The following GRID2 variants were observed in gnomAD, a reference collection of about 807,000 sequenced individuals.
GRID2 encodes glutamate ionotropic receptor delta type subunit 2.
In GRID2, 33 loss-of-function variants were observed where a neutral mutation model predicts 114.8. The ratio of observed to expected loss-of-function variants is 0.29; its 90% CI spans 0.22 to 0.38. The LOEUF is 0.38. Ranked by LOEUF, GRID2 falls within the 10% of genes least tolerant of loss-of-function variation. The pLI, the probability that GRID2 is intolerant of heterozygous loss-of-function variation, is 1.00. For synonymous variants in GRID2, 505 were observed against 449.9 expected, an observed-to-expected ratio of 1.12 and a Z score of -1.55; for missense variants, 1,184 against 1,257.7, an observed-to-expected ratio of 0.94 and a Z score of 0.89.
chr4:92,598,578 C>T (rs545963114), intron 2 of GRID2, among the ~76,000 whole-genome samples: 3 of 152,088 alleles, frequency 2.0e-5, no homozygotes, highest in Admixed American at 6.6e-5. Flanking sequence ...TAGATACCTG[C>T]CTTTATTTTA....
chr4:93,288,585 C>G (rs1414917739), intron 8 of GRID2, among the ~76,000 whole-genome samples: 1 of 152,188 alleles, frequency 6.6e-6, no homozygotes, highest in African/African-American at 2.4e-5. Flanking sequence ...GCTAATAACT[C>G]TGAGTTTCCT....
intron 1 of GRID2, among the ~76,000 whole-genome samples, chr4:92,338,615 T>A (rs2110157873): frequency 6.6e-6 from 1 of 152,182 alleles, no homozygotes; most frequent in Non-Finnish European, 1.5e-5. Flanking sequence ...CAAAAAAGAA[T>A]TGTTCTGAAA....
intron 2 of GRID2, among the ~76,000 whole-genome samples, chr4:92,684,914 C>T (rs1377486278): frequency 6.6e-6 from 1 of 151,902 alleles, no homozygotes; most frequent in African/African-American, 2.4e-5. Context: ...TTAAGTCTTG[C>T]AGTATTTTAT....
intron 1 of GRID2, among the ~76,000 whole-genome samples, chr4:92,480,599 G>A (rs1722538321): frequency 6.6e-6 from 1 of 152,082 alleles, no homozygotes; most frequent in Admixed American, 6.6e-5. Context: ...AACTTGGCAG[G>A]GCTGTGATCC....
At chr4:92,649,233 A>T in intron 2 of GRID2, among the ~76,000 whole-genome samples, 1 of 129,800 alleles carries the variant, frequency 7.7e-6, no homozygotes, top group Non-Finnish European at 1.7e-5. Flanking sequence ...ATGGAGGTAG[A>T]GAATTCCCAC....
At chr4:93,668,593 G>A (rs564826822) in intron 14 of GRID2, among the ~76,000 whole-genome samples, 38 of 152,046 alleles carry the variant, frequency 2.5e-4, no homozygotes, top group Non-Finnish European at 5.3e-4. Context: ...GTTGTCAGGT[G>A]AGAAAGAAGT....
At chr4:92,664,616 T>C (rs1293327109) in intron 2 of GRID2, among the ~76,000 whole-genome samples, 2 of 151,160 alleles carry the variant, frequency 1.3e-5, no homozygotes, top group Non-Finnish European at 3.0e-5. Flanking sequence ...CTGGTTGTTC[T>C]CTTCATTATT....
intron 12 of GRID2, among the ~76,000 whole-genome samples, chr4:93,512,167 G>A (rs908674230): frequency 2.6e-5 from 4 of 152,030 alleles, no homozygotes; most frequent in South Asian, 4.1e-4. Context: ...GTATATTAAT[G>A]TATATATTAG....
chr4:92,474,779 C>T (rs760541324), intron 1 of GRID2, among the ~76,000 whole-genome samples: 5 of 151,810 alleles, frequency 3.3e-5, no homozygotes, highest in Non-Finnish European at 5.9e-5. Context: ...TTGTCATATA[C>T]CTGTTGGCCA....
At chr4:93,669,083 A>G (rs906951159) in intron 14 of GRID2, among the ~76,000 whole-genome samples, 2 of 152,058 alleles carry the variant, frequency 1.3e-5, no homozygotes, top group Non-Finnish European at 2.9e-5. Flanking sequence ...GTAATAAGAG[A>G]CTGCATTTTA....
At chr4:93,117,070 A>G (rs1733339366) in intron 4 of GRID2, among the ~76,000 whole-genome samples, 1 of 152,182 alleles carries the variant, frequency 6.6e-6, no homozygotes. Flanking sequence ...TTCATCCTTG[A>G]TGAATAATGT....
chr4:93,669,148 T>C (rs2149749407), intron 14 of GRID2, among the ~76,000 whole-genome samples: 1 of 152,178 alleles, frequency 6.6e-6, no homozygotes, highest in South Asian at 2.1e-4. Flanking sequence ...TATTTTCTAA[T>C]GAGAAAATAA....
intron 11 of GRID2, among the ~76,000 whole-genome samples, chr4:93,478,705 G>A (rs1052851951): frequency 4.0e-5 from 6 of 151,588 alleles, no homozygotes; most frequent in Admixed American, 6.6e-5. Flanking sequence ...AAACTGAAAC[G>A]CATTATTCAA....
intron 1 of GRID2, among the ~76,000 whole-genome samples, chr4:92,308,556 T>C (rs1297103890): frequency 3.3e-5 from 5 of 152,278 alleles, no homozygotes; most frequent in Non-Finnish European, 5.9e-5. Context: ...ATCCACAGAA[T>C]ATTTTCACTA....
chr4:93,249,932 TGTG>T (rs554156784), intron 8 of GRID2, among the ~76,000 whole-genome samples: 16 of 152,280 alleles, frequency 1.1e-4, no homozygotes, highest in African/African-American at 3.8e-4. Context: ...TGGAAGACAA[TGTG>T]GTGATTCCTC....
At chr4:92,343,450 C>A (rs983919267) in intron 1 of GRID2, among the ~76,000 whole-genome samples, 1 of 152,032 alleles carries the variant, frequency 6.6e-6, no homozygotes, top group Non-Finnish European at 1.5e-5. Flanking sequence ...ACTCATATAA[C>A]TTTTTACTTC....
At chr4:93,183,274 C>T (rs972862468) in intron 4 of GRID2, among the ~76,000 whole-genome samples, 1 of 152,086 alleles carries the variant, frequency 6.6e-6, no homozygotes, top group Non-Finnish European at 1.5e-5. Context: ...GTTTGACAGT[C>T]TTTTTACCTT....
At chr4:92,345,665 T>A (rs954095473) in intron 1 of GRID2, among the ~76,000 whole-genome samples, 1 of 152,192 alleles carries the variant, frequency 6.6e-6, no homozygotes, top group Non-Finnish European at 1.5e-5. Flanking sequence ...ATTTTGAAAT[T>A]TCACAGAGAA....
At chr4:92,999,465 T>C (rs1345023437) in intron 2 of GRID2, among the ~76,000 whole-genome samples, 2 of 151,744 alleles carry the variant, frequency 1.3e-5, no homozygotes, top group East Asian at 3.9e-4. Context: ...TAAAGATGAA[T>C]AAAAACAGAC....
Sources: allele counts gnomAD v4.1 joint callset (sites outside exome capture counted in the v4.1 genomes callset), GRCh38; gene constraint gnomAD v4.1.1; transcripts MANE v1.5; gene names NCBI Gene and HGNC (gene_info 2026-07-23, HGNC 2026-07-21).